The following DNAJC7 variants were observed in gnomAD, a reference collection of about 807,000 sequenced individuals.
The protein encoded by DNAJC7 is DnaJ heat shock protein family (Hsp40) member C7.
A neutral mutation model predicts 67.4 loss-of-function variants in DNAJC7; 18 were observed. That is an observed-to-expected ratio of 0.27 (90% CI 0.18 to 0.40). The LOEUF is 0.40. Among genes scored for constraint, DNAJC7 ranks in the 10% least tolerant of loss-of-function variants. The pLI, the probability that DNAJC7 is intolerant of heterozygous loss-of-function variation, is 1.00. For missense variants in DNAJC7, 419 were observed against 613.8 expected, an observed-to-expected ratio of 0.68 and a Z score of 3.35; for synonymous variants, 220 against 207.8, an observed-to-expected ratio of 1.06 and a Z score of -0.50.
chr17:41,995,897 A>G (rs1458414543), intron 4 of DNAJC7, among the ~76,000 whole-genome samples: 2 of 152,196 alleles, frequency 1.3e-5, no homozygotes, highest in Non-Finnish European at 1.5e-5. Flanking sequence ...CAACCTCCTG[A>G]GCACAAGCAA....
intron 4 of DNAJC7, among the ~76,000 whole-genome samples, chr17:41,995,250 A>G (rs1464704886): frequency 6.6e-6 from 1 of 152,208 alleles, no homozygotes; most frequent in African/African-American, 2.4e-5. Flanking sequence ...CATTTCACAA[A>G]TCAAATTGAT....
chr17:41,981,818 C>T (rs775462663), intron 12 of DNAJC7, 37 bp downstream of exon 12: 2 of 1,605,974 alleles, frequency 1.2e-6, no homozygotes, highest in Admixed American at 3.4e-5. Flanking sequence ...CATTCTACAG[C>T]TGTCAAATTC....
intron 9 of DNAJC7, among the ~76,000 whole-genome samples, chr17:41,986,295 G>T (rs1476215775): frequency 6.6e-6 from 1 of 151,986 alleles, no homozygotes; most frequent in Non-Finnish European, 1.5e-5. Context: ...GAACTCAGGA[G>T]GTGGAGGTTG....
intron 4 of DNAJC7, 120 bp from the exon 5 acceptor site, chr17:41,995,064 G>A: frequency 2.3e-6 from 2 of 858,084 alleles, no homozygotes; most frequent in Non-Finnish European, 1.9e-6. Context: ...TGCCTCTTTT[G>A]ATAGAGATAG....
rs781877853 is a variant in DNAJC7 at position 42,017,307 on chromosome 17, G to A, written c.77+33C>T. On this transcript the variant is annotated intron_variant, in intron 1 of 13. Coordinates refer to ENST00000457167, the MANE Select transcript of DNAJC7 (RefSeq NM_003315.4). The stretch of plus-strand genomic sequence containing the variant: ...GTTTCCCTGAGCCACGGAGCTGCAG[G>A]TCGCCTCCTCTACTACCCTGCTACC... 15 of 1,610,204 alleles carry A rather than the reference G, an allele frequency of 9.3e-6. No individual in the cohort carries two copies. In the Admixed American group the frequency reaches 2.5e-4, roughly 27 times the overall value.
chr17:42,000,392 T>A, intron 2 of DNAJC7, 90 bp downstream of exon 2: 1 of 992,280 alleles, frequency 1.0e-6, no homozygotes, highest in African/African-American at 1.8e-5. Flanking sequence ...GTGCTGGGAT[T>A]ACAGGCGTGA....
intron 1 of DNAJC7, chr17:42,015,115 G>A (rs551136867): frequency 2.6e-5 from 4 of 152,156 alleles, no homozygotes; most frequent in African/African-American, 7.2e-5. Flanking sequence ...GTGTAACTGG[G>A]ATTACATGTG....
At chr17:42,010,333 A>AT (rs1167712939) in intron 1 of DNAJC7, among the ~76,000 whole-genome samples, 4 of 151,470 alleles carry the variant, frequency 2.6e-5, no homozygotes, top group Non-Finnish European at 4.4e-5. Flanking sequence ...AAAAAAAAAA[A>AT]AATACAAAAT....
chr17:41,979,307 C>T (rs984136897), intron 12 of DNAJC7, among the ~76,000 whole-genome samples: 3 of 151,586 alleles, frequency 2.0e-5, no homozygotes, highest in Non-Finnish European at 4.4e-5. Flanking sequence ...CCACTGCACA[C>T]CAGCCTGGGT....
intron 1 of DNAJC7, among the ~76,000 whole-genome samples, chr17:42,008,843 G>T (rs1438311527): frequency 6.6e-6 from 1 of 152,216 alleles, no homozygotes; most frequent in Non-Finnish European, 1.5e-5. Context: ...GAGTAGCTGA[G>T]ATTACAGGGC....
chr17:42,014,464 C>T (rs1894426562), intron 1 of DNAJC7: 2 of 151,878 alleles, frequency 1.3e-5, no homozygotes, highest in African/African-American at 4.8e-5. Flanking sequence ...CTGCACCCAG[C>T]CAATTTTCCT....
At chr17:41,983,428 G>A (rs1020802357) in intron 10 of DNAJC7, 135 bp downstream of exon 10, 30 of 802,236 alleles carry the variant, frequency 3.7e-5, no homozygotes, top group Admixed American at 2.0e-4. Flanking sequence ...CCCAGCCTTT[G>A]TTCACTTCTT....
chr17:42,009,609 C>T (rs1318215566), intron 1 of DNAJC7, among the ~76,000 whole-genome samples: 1 of 152,192 alleles, frequency 6.6e-6, no homozygotes, highest in Non-Finnish European at 1.5e-5. Flanking sequence ...ATCTACCTAA[C>T]CTTCACTTAT....
In DNAJC7 at chr17:41,977,249, A is replaced by C. The variant is rs1555645039; in HGVS notation, c.1447+12T>G. On this transcript the variant is annotated intron_variant, in intron 13 of 13. Coordinates refer to ENST00000457167, the MANE Select transcript of DNAJC7 (RefSeq NM_003315.4). ...TGATCTGGGAACTCCCAAGAACAGC[A>C]GGCCCACCTACCTTCAAAGCTGAAG... 2 of 1,576,226 alleles carry C rather than the reference A, an allele frequency of 1.3e-6. No homozygotes were observed. The highest frequency in any genetic ancestry group is 3.7e-5 in the Admixed American group (2 of 53,946).
At chr17:42,010,408 C>T (rs543534162) in intron 1 of DNAJC7, among the ~76,000 whole-genome samples, 2 of 152,064 alleles carry the variant, frequency 1.3e-5, no homozygotes, top group South Asian at 2.1e-4. Context: ...AGGAGAATTG[C>T]TTGAACCCGG....
chr17:41,992,664 G>T (rs539988365), intron 5 of DNAJC7: 1 of 152,294 alleles, frequency 6.6e-6, no homozygotes, highest in African/African-American at 2.4e-5. Flanking sequence ...TAATCATGGG[G>T]ATCGTCAGTG....
chr17:41,997,736 T>C (rs528788862), intron 2 of DNAJC7, among the ~76,000 whole-genome samples: 5 of 152,326 alleles, frequency 3.3e-5, no homozygotes, highest in African/African-American at 1.2e-4. Context: ...GCTACAGTGC[T>C]GTGGTGCTAT....
At chr17:41,987,645 C>A (rs1207486283) in intron 9 of DNAJC7, 174 bp downstream of exon 9, 2 of 534,306 alleles carry the variant, frequency 3.7e-6, no homozygotes, top group Non-Finnish European at 3.3e-6. Flanking sequence ...CTTGTGCAAT[C>A]TCCTCCGCTG....
chr17:41,981,237 C>T (rs544206127), intron 12 of DNAJC7, among the ~76,000 whole-genome samples: 2 of 152,004 alleles, frequency 1.3e-5, no homozygotes, highest in Non-Finnish European at 2.9e-5. Flanking sequence ...TGCTCTGTCG[C>T]CCAGGATGGA....
Sources: allele counts gnomAD v4.1 joint callset (sites outside exome capture counted in the v4.1 genomes callset), GRCh38; gene constraint gnomAD v4.1.1; transcripts MANE v1.5; gene names NCBI Gene and HGNC (gene_info 2026-07-23, HGNC 2026-07-21).